HS3ST4: variants seen among roughly 807,000 people sequenced by gnomAD.
The protein encoded by HS3ST4 is heparan sulfate-glucosamine 3-sulfotransferase 4.
In HS3ST4, 17 loss-of-function variants were observed where a neutral mutation model predicts 29.2. The ratio of observed to expected loss-of-function variants is 0.58; its 90% CI spans 0.40 to 0.87. HS3ST4 has a LOEUF of 0.87. Among genes scored for constraint, HS3ST4 ranks in the 40% least tolerant of loss-of-function variants. The probability of loss-of-function intolerance (pLI) is 0.00; values close to 1 mark genes in which losing one functional copy is unlikely to be tolerated. For synonymous variants in HS3ST4, 314 were observed against 285.7 expected, an observed-to-expected ratio of 1.10 and a Z score of -1.00; for missense variants, 627 against 634.5, an observed-to-expected ratio of 0.99 and a Z score of 0.13.
intron 1 of HS3ST4, among the ~76,000 whole-genome samples, chr16:26,113,470 A>ATGTGTGTGTGTGTGTG (rs55722050): frequency 7.6e-5 from 10 of 132,216 alleles, no homozygotes; most frequent in South Asian, 2.6e-4. Flanking sequence ...ACAATATATG[A>ATGTGTGTGTGTGTGTG]TGTGTGTGTG....
At chr16:25,897,860 G>T (rs548192844) in intron 1 of HS3ST4, among the ~76,000 whole-genome samples, 32 of 152,060 alleles carry the variant, frequency 2.1e-4, no homozygotes, top group African/African-American at 7.7e-4. Flanking sequence ...CTTTCCCCCC[G>T]CCCCCTTTCT....
chr16:25,982,047 CACAG>C (rs1567286879), intron 1 of HS3ST4, among the ~76,000 whole-genome samples: 8 of 152,150 alleles, frequency 5.3e-5, no homozygotes, highest in African/African-American at 1.9e-4. Flanking sequence ...CAGACACACA[CACAG>C]ACACACACAT....
In HS3ST4 at chr16:25,762,966, G is replaced by T. The variant is rs533260061; in HGVS notation, c.734+69815G>T. Among the ~76,000 whole-genome samples, 4 of 151,230 alleles carry T rather than the reference G, an allele frequency of 2.6e-5. No individual in the cohort carries two copies. In the South Asian group the frequency reaches 8.4e-4, roughly 32 times the overall value. On this transcript the variant is annotated intron_variant, in intron 1 of 1. Transcript: ENST00000331351. ...CAGGCCCAGGCACAGACCCAAATCT[G>T]CTCAGCTACTAGCTTCTGAAATGCA...
chr16:25,791,825 C>T (rs1246873171), intron 1 of HS3ST4, among the ~76,000 whole-genome samples: 2 of 151,988 alleles, frequency 1.3e-5, no homozygotes, highest in Non-Finnish European at 2.9e-5. Flanking sequence ...CGAATAATGA[C>T]AGTTATACTT....
intron 1 of HS3ST4, among the ~76,000 whole-genome samples, chr16:25,835,080 G>A (rs905345895): frequency 1.3e-5 from 2 of 152,142 alleles, no homozygotes; most frequent in African/African-American, 4.8e-5. Context: ...CCATGAGTTA[G>A]GTTTTATTTC....
chr16:26,019,244 C>T (rs1004890836), intron 1 of HS3ST4, among the ~76,000 whole-genome samples: 3 of 152,070 alleles, frequency 2.0e-5, no homozygotes, highest in African/African-American at 7.2e-5. Context: ...ACCCCTAGAC[C>T]TCAAGTAGCA....
chr16:25,975,315 G>C (rs1968934160), intron 1 of HS3ST4, among the ~76,000 whole-genome samples: 1 of 151,818 alleles, frequency 6.6e-6, no homozygotes, highest in South Asian at 2.1e-4. Flanking sequence ...GAGGGAGGGG[G>C]TTAAGGATGG....
At chr16:26,077,603 G>A (rs1456292753) in intron 1 of HS3ST4, among the ~76,000 whole-genome samples, 1 of 152,228 alleles carries the variant, frequency 6.6e-6, no homozygotes, top group Non-Finnish European at 1.5e-5. Flanking sequence ...TCAGCTCCAT[G>A]AAAGCAGGAA....
intron 1 of HS3ST4, among the ~76,000 whole-genome samples, chr16:26,117,313 A>G (rs1230648456): frequency 2.0e-5 from 3 of 152,212 alleles, no homozygotes; most frequent in East Asian, 3.8e-4. Context: ...TCCCTGGAGA[A>G]TAGAATTTCC....
intron 1 of HS3ST4, among the ~76,000 whole-genome samples, chr16:25,959,668 CT>C (rs1260691990): frequency 6.6e-6 from 1 of 152,148 alleles, no homozygotes; most frequent in Non-Finnish European, 1.5e-5. Flanking sequence ...GGGAGGGTAT[CT>C]AGACTAGGTA....
At chr16:25,992,999 A>G (rs908664415) in intron 1 of HS3ST4, among the ~76,000 whole-genome samples, 1 of 152,134 alleles carries the variant, frequency 6.6e-6, no homozygotes, top group African/African-American at 2.4e-5. Flanking sequence ...TCTCTGCTTC[A>G]TAGTGGACTG....
chr16:25,850,001 CTTT>C (rs11342321), intron 1 of HS3ST4, among the ~76,000 whole-genome samples: 7 of 133,892 alleles, frequency 5.2e-5, no homozygotes, highest in Admixed American at 7.5e-5. Flanking sequence ...GCCTAGATGC[CTTT>C]TTTTTTTTTT....
At chr16:26,119,550 G>A (rs1025067673) in intron 1 of HS3ST4, among the ~76,000 whole-genome samples, 6 of 152,078 alleles carry the variant, frequency 3.9e-5, no homozygotes, top group Non-Finnish European at 5.9e-5. Flanking sequence ...AGCCTGGAGT[G>A]GGCACGACCT....
At chr16:25,768,599 T>G (rs901627240) in intron 1 of HS3ST4, among the ~76,000 whole-genome samples, 8 of 152,060 alleles carry the variant, frequency 5.3e-5, no homozygotes, top group African/African-American at 1.9e-4. Flanking sequence ...GTCTTGTGAG[T>G]GAGCTTCCTA....
At chr16:25,889,205 G>T (rs544435834) in intron 1 of HS3ST4, among the ~76,000 whole-genome samples, 1 of 152,294 alleles carries the variant, frequency 6.6e-6, no homozygotes, top group Admixed American at 6.5e-5. Flanking sequence ...TTCCGGAGAT[G>T]CATTAGCTGG....
intron 1 of HS3ST4, among the ~76,000 whole-genome samples, chr16:25,720,599 T>TA (rs1313468231): frequency 6.6e-6 from 1 of 152,140 alleles, no homozygotes; most frequent in African/African-American, 2.4e-5. Context: ...CCTCCAACCT[T>TA]AAAAAATCCA....
intron 1 of HS3ST4, among the ~76,000 whole-genome samples, chr16:25,924,009 C>G (rs980171295): frequency 1.4e-4 from 21 of 152,300 alleles, no homozygotes; most frequent in Non-Finnish European, 2.6e-4. Context: ...CTTTGGCCAC[C>G]TATATTCAAA....
intron 1 of HS3ST4, among the ~76,000 whole-genome samples, chr16:26,044,064 G>T (rs1898236498): frequency 6.6e-6 from 1 of 152,202 alleles, no homozygotes; most frequent in African/African-American, 2.4e-5. Flanking sequence ...CACACAGCTG[G>T]TAAGTGGTGT....
intron 1 of HS3ST4, among the ~76,000 whole-genome samples, chr16:25,754,890 T>TACCCATCAACCTGCCCATCCACCC (rs1966746758): frequency 6.6e-6 from 1 of 151,272 alleles, no homozygotes; most frequent in African/African-American, 2.4e-5. Flanking sequence ...TCTATCCACC[T>TACCCATCAACCTGCCCATCCACCC]ACCCATCAAC....
Sources: gnomAD v4.1 joint callset for allele counts (sites outside exome capture counted in the v4.1 genomes callset) on GRCh38, gnomAD v4.1.1 for gene constraint, MANE v1.5 for transcripts, NCBI Gene and HGNC (gene_info 2026-07-23, HGNC 2026-07-21) for gene names.